MMP28: variants seen among roughly 807,000 people sequenced by gnomAD.
MMP28 encodes the protein matrix metalloproteinase-28.
MMP28 carries 55 observed loss-of-function variants against 60.5 expected under a neutral mutation model. That is an observed-to-expected ratio of 0.91 (90% CI 0.73 to 1.14). The LOEUF (loss-of-function observed/expected upper bound fraction) is 1.14, where lower values mean the gene tolerates loss of function less well. Ranked by LOEUF, MMP28 falls within the 50% of genes most tolerant of loss-of-function variation. MMP28 has a pLI of 0.00. For missense variants in MMP28, 686 were observed against 738.3 expected (o/e 0.93, Z 0.82); for synonymous variants, 318 against 312.5 (o/e 1.02, Z -0.18).
chr17:35,771,799 C>T (rs1352723123), intron 4 of MMP28, among the ~76,000 whole-genome samples: 1 of 130,756 alleles, frequency 7.6e-6, no homozygotes, highest in Non-Finnish European at 1.6e-5. Flanking sequence ...CTCTGGGGGG[C>T]CTCTCTCTAC....
Position 35,767,959 on chromosome 17 carries a change from C to T in MMP28, c.1001-40G>A, listed in dbSNP as rs2085997527. 4 of 1,530,458 alleles carry T rather than the reference C, an allele frequency of 2.6e-6. No individual in the cohort carries two copies. In the East Asian group the frequency reaches 9.0e-5, roughly 35 times the overall value. The allele number at this position is 1,530,458 out of a possible 1,614,324, so 94.8% of individuals were successfully genotyped here. On this transcript the variant is annotated intron_variant, in intron 6 of 7. Coordinates refer to ENST00000605424, the MANE Select transcript of MMP28 (RefSeq NM_024302.5). ...GAGAGAGTTGAGGAGTGACCATCAG[C>T]TTCCTGCTGTCTTTCCAGGAAAGAT...
chr17:35,761,060 A>G (rs959084886), downstream of MMP28: 20 of 1,252,932 alleles, frequency 1.6e-5, no homozygotes, highest in Middle Eastern at 2.4e-4. Flanking sequence ...TCAGTTACCC[A>G]TCCATGTAGC....
chr17:35,770,338 G>T (rs764558412), intron 4 of MMP28, 26 bp from the exon 5 acceptor site: 3 of 1,476,180 alleles, frequency 2.0e-6, no homozygotes, highest in South Asian at 2.8e-5. Context: ...AAGGTCAGGG[G>T]GTGCCACGGC....
rs754305201 is a variant in MMP28, at chr17:35,779,091, G to C, written c.192-16C>G. The C allele has an allele frequency of 6.2e-7, 1 of 1,611,654 alleles. No individual in the cohort carries two copies. The highest frequency in any genetic ancestry group is 8.5e-7 in the Non-Finnish European group (1 of 1,178,632). Reference sequence around the variant, plus strand: ...CTGAAACGCTCTGTCAGGAGGAAAGGACCGCAAGGGGAGGGTGAGTGGTAA... The same window carrying C: ...CTGAAACGCTCTGTCAGGAGGAAAGCACCGCAAGGGGAGGGTGAGTGGTAA... On this transcript the variant is annotated splice_polypyrimidine_tract_variant and intron_variant, in intron 2 of 7. Transcript: ENST00000605424.
At chr17:35,773,496 C>T in intron 3 of MMP28, 92 bp from the exon 4 acceptor site, 1 of 1,092,854 alleles carries the variant, frequency 9.2e-7, no homozygotes. Context: ...GGTAGGCCCT[C>T]CCCCAGCAGC....
rs2085923937 is a variant in MMP28 at position 35,765,876 on chromosome 17, C to T, written c.*624G>A. On this transcript the variant is annotated 3_prime_UTR_variant, in exon 8 of 8. Transcript: ENST00000605424. The stretch of plus-strand genomic sequence containing the variant: ...CCAAGGAAGGCTGCTTCCTGCCTCT[C>T]GGCCCACCAGCTGAAGGCACCTCTT... The T allele has an allele frequency of 3.0e-6, 3 of 985,448 alleles. No individual in the cohort carries two copies. Among genetic ancestry groups the T allele is most frequent in the African/African-American group, 3.5e-5 (2 of 57,370 alleles). The allele number at this position is 985,448 out of a possible 1,614,324, so 61.0% of individuals were successfully genotyped here.
At chr17:35,769,014 G>C (rs2086036711) in intron 5 of MMP28, among the ~76,000 whole-genome samples, 1 of 152,188 alleles carries the variant, frequency 6.6e-6, no homozygotes, top group East Asian at 1.9e-4. Flanking sequence ...GCAGAGTCCA[G>C]AGACCCAGGC....
intron 1 of MMP28, among the ~76,000 whole-genome samples, chr17:35,786,699 C>CAAAAAAGAAAAAAA (rs2086657968): frequency 1.4e-5 from 1 of 71,068 alleles, no homozygotes; most frequent in Non-Finnish European, 2.8e-5. Flanking sequence ...CCTGTCTCTA[C>CAAAAAAGAAAAAAA]AAAAAAAAAA....
intron 1 of MMP28, among the ~76,000 whole-genome samples, chr17:35,782,245 C>T (rs903377901): frequency 6.6e-6 from 1 of 151,956 alleles, no homozygotes; most frequent in Non-Finnish European, 1.5e-5. Flanking sequence ...TTAGTACAGA[C>T]GGGGTTTCAC....
At chr17:35,783,057 AC>A (rs2086552506) in intron 1 of MMP28, among the ~76,000 whole-genome samples, 1 of 151,968 alleles carries the variant, frequency 6.6e-6, no homozygotes, top group African/African-American at 2.4e-5. Flanking sequence ...TGATCTCCTG[AC>A]CTTGTGATCC....
intron 1 of MMP28, among the ~76,000 whole-genome samples, chr17:35,792,647 C>A (rs148671523): frequency 6.6e-6 from 1 of 152,194 alleles, no homozygotes; most frequent in Admixed American, 6.5e-5. Context: ...CAGCTCTGTG[C>A]TGTCTGTTGT....
chr17:35,779,093 C>T lies in MMP28; in HGVS notation c.192-18G>A. 6.2e-7 allele frequency: 1 copy of T among 1,611,446 alleles called. No homozygotes were observed. The highest frequency in any genetic ancestry group is 8.5e-7 in the Non-Finnish European group (1 of 1,178,442). ...GAAACGCTCTGTCAGGAGGAAAGGA[C>T]CGCAAGGGGAGGGTGAGTGGTAAGG... On this transcript the variant is annotated intron_variant, in intron 2 of 7. Transcript: ENST00000605424.
At chr17:35,770,463 G>A (rs2086098245) in intron 4 of MMP28, among the ~76,000 whole-genome samples, 151 bp from the exon 5 acceptor site, 1 of 152,228 alleles carries the variant, frequency 6.6e-6, no homozygotes, top group Admixed American at 6.5e-5. Context: ...GTGTGCAGAG[G>A]TGAACAGTAG....
At position 35,765,917 on chromosome 17, in the gene MMP28, C is replaced by T. The variant is rs1247548360; in HGVS notation, c.*583G>A. 1.0e-6 allele frequency: 1 copy of T among 985,300 alleles called. No individual in the cohort carries two copies. Among genetic ancestry groups the T allele is most frequent in the Non-Finnish European group, 1.2e-6 (1 of 829,936 alleles). The allele number at this position is 985,300 out of a possible 1,614,324, so 61.0% of individuals were successfully genotyped here. On this transcript the variant is annotated 3_prime_UTR_variant, in exon 8 of 8. Coordinates refer to ENST00000605424, the MANE Select transcript of MMP28 (RefSeq NM_024302.5). The stretch of plus-strand genomic sequence containing the variant: ...GGCACCTCTTTATTCCAGCCCCAGA[C>T]AAAAAGCCAGGGACTGGTAGGCCTG...
chr17:35,769,910 A>G (rs941220278), intron 5 of MMP28, among the ~76,000 whole-genome samples, 157 bp downstream of exon 5: 62 of 151,960 alleles, frequency 4.1e-4, no homozygotes, highest in African/African-American at 1.4e-3. Flanking sequence ...AGATTTGAGG[A>G]GGGGCATAGG....
intron 1 of MMP28, among the ~76,000 whole-genome samples, chr17:35,789,083 C>T (rs909535220): frequency 1.3e-5 from 2 of 152,166 alleles, no homozygotes; most frequent in Non-Finnish European, 2.9e-5. Flanking sequence ...TCCTCCCTGG[C>T]AAAGCCCACT....
At position 35,766,602 on chromosome 17, in the gene MMP28, G is replaced by A. The variant is rs1403688064; in HGVS notation, c.1461C>T (p.Arg487=). The change falls in exon 8 of 8, where the codon CGC becomes CGT. Residue 487 remains arginine (R), a synonymous_variant. Transcript: ENST00000605424. This position sits in a 1 kb window ranked among gnomAD's most constrained non-coding sequence, Gnocchi z 4.3. ...TTGCCTGCAGTTTGGCCTGGTCGAG[G>A]CGCCAGTAGCGGTCATCTCGGAAGA... is the stretch of plus-strand genomic sequence containing the variant. ...IIFFRDDRYW[R]LDQAKLQATT... is the part of the protein sequence containing the mutation. 1.4e-5 allele frequency: 22 copies of A among 1,612,524 alleles called. No individual in the cohort carries two copies. The highest frequency in any genetic ancestry group is 1.9e-5 in the Non-Finnish European group (22 of 1,179,770).
intron 1 of MMP28, among the ~76,000 whole-genome samples, chr17:35,790,817 C>T (rs1248381810): frequency 6.6e-6 from 1 of 151,944 alleles, no homozygotes; most frequent in Non-Finnish European, 1.5e-5. Context: ...GTGAAACCTC[C>T]ATCTCTCACT....
downstream of MMP28, among the ~76,000 whole-genome samples, chr17:35,763,284 T>G (rs1555601860): frequency 6.6e-6 from 1 of 151,880 alleles, no homozygotes. Context: ...AAAAAATCTT[T>G]TTTAATTGTG....
Sources: allele counts gnomAD v4.1 joint callset (sites outside exome capture counted in the v4.1 genomes callset), GRCh38; gene constraint gnomAD v4.1.1; non-coding constraint Gnocchi (gnomAD v3.1); transcripts MANE v1.5; gene names NCBI Gene and HGNC (gene_info 2026-07-23, HGNC 2026-07-21).